The following ARB2A variants were observed in gnomAD, a reference collection of about 807,000 sequenced individuals.
ARB2A encodes cotranscriptional regulator ARB2A.
the ARB2A span, among the ~76,000 whole-genome samples, chr5:93,727,415 G>A: frequency 6.6e-6 from 1 of 151,916 alleles, no homozygotes; most frequent in South Asian, 2.1e-4. Flanking sequence ...CAACTCATCT[G>A]GCATTATGAT....
At chr5:93,834,113 G>A in the ARB2A span, among the ~76,000 whole-genome samples, 1 of 152,186 alleles carries the variant, frequency 6.6e-6, no homozygotes. Context: ...AACCCACTGA[G>A]CATTTCCAAC....
At chr5:93,951,103 T>C in the ARB2A span, among the ~76,000 whole-genome samples, 2 of 152,190 alleles carry the variant, frequency 1.3e-5, no homozygotes, top group Non-Finnish European at 2.9e-5. Context: ...CCTTATCATA[T>C]GCCTGCTTGA....
the ARB2A span, among the ~76,000 whole-genome samples, chr5:93,688,133 C>A: frequency 6.6e-6 from 1 of 152,136 alleles, no homozygotes; most frequent in Non-Finnish European, 1.5e-5. Context: ...GCCACCATAC[C>A]TGGCTAATTT....
the ARB2A span, among the ~76,000 whole-genome samples, chr5:93,744,434 CAAAAAAAAAAAAA>C: frequency 1.0e-3 from 15 of 14,534 alleles, no homozygotes; most frequent in Admixed American, 3.1e-3. Flanking sequence ...GACTCAGTCT[CAAAAAAAAAAAAA>C]AAAAAAAAAA....
At chr5:93,945,109 G>T in the ARB2A span, among the ~76,000 whole-genome samples, 3 of 152,202 alleles carry the variant, frequency 2.0e-5, no homozygotes, top group Admixed American at 2.0e-4. Context: ...GACATGTGTG[G>T]CCAACACTGT....
chr5:93,845,270 T>C, the ARB2A span, among the ~76,000 whole-genome samples: 1 of 152,250 alleles, frequency 6.6e-6, no homozygotes, highest in East Asian at 1.9e-4. Flanking sequence ...CACTGCTTAA[T>C]GTGTCATAAT....
chr5:93,671,116 G>A, the ARB2A span, among the ~76,000 whole-genome samples: 1 of 152,036 alleles, frequency 6.6e-6, no homozygotes, highest in Non-Finnish European at 1.5e-5. Flanking sequence ...CTCAAAACAA[G>A]ATATTTTCCA....
At chr5:93,995,497 G>A in the ARB2A span, among the ~76,000 whole-genome samples, 1 of 152,186 alleles carries the variant, frequency 6.6e-6, no homozygotes, top group Non-Finnish European at 1.5e-5. Context: ...GTCTGCAGCT[G>A]TGGTTGACTG....
chr5:94,061,436 A>G, the ARB2A span, among the ~76,000 whole-genome samples: 4 of 152,236 alleles, frequency 2.6e-5, no homozygotes, highest in Non-Finnish European at 5.9e-5. Flanking sequence ...CTTGTTCAAC[A>G]TAGTACTGAA....
the ARB2A span, among the ~76,000 whole-genome samples, chr5:93,896,093 C>T: frequency 6.6e-6 from 1 of 151,882 alleles, no homozygotes; most frequent in South Asian, 2.1e-4. Flanking sequence ...CAATACTATT[C>T]AATAAGAAAT....
chr5:94,096,727 G>A, the ARB2A span, among the ~76,000 whole-genome samples: 4 of 152,172 alleles, frequency 2.6e-5, no homozygotes, highest in Non-Finnish European at 5.9e-5. Context: ...CCCATCGAGA[G>A]AACAGACCAT....
the ARB2A span, among the ~76,000 whole-genome samples, chr5:94,021,914 CA>C: frequency 6.6e-6 from 1 of 152,076 alleles, no homozygotes; most frequent in African/African-American, 2.4e-5. Context: ...ACTAAAAATA[CA>C]AAAACATTAG....
the ARB2A span, among the ~76,000 whole-genome samples, chr5:94,035,955 T>C: frequency 4.6e-5 from 7 of 152,050 alleles, no homozygotes; most frequent in African/African-American, 1.7e-4. Context: ...GATGTATACC[T>C]ATGTAACAAA....
At chr5:94,103,873 T>G in the ARB2A span, among the ~76,000 whole-genome samples, 3 of 150,078 alleles carry the variant, frequency 2.0e-5, no homozygotes, top group African/African-American at 7.3e-5. Context: ...AATCATATAA[T>G]TATGTGGAAA....
chr5:94,096,223 C>T, the ARB2A span, among the ~76,000 whole-genome samples: 1 of 152,202 alleles, frequency 6.6e-6, no homozygotes, highest in Non-Finnish European at 1.5e-5. Flanking sequence ...AATCTTTTCA[C>T]ATTTTTTACT....
chr5:94,109,306 T>C, the ARB2A span, among the ~76,000 whole-genome samples: 8 of 152,318 alleles, frequency 5.3e-5, no homozygotes, highest in South Asian at 1.7e-3. Flanking sequence ...GAGTGTTTAA[T>C]AGGTATGAAG....
the ARB2A span, chr5:93,958,912 C>T: frequency 6.2e-7 from 1 of 1,607,416 alleles, no homozygotes. Context: ...GTGGATTTGT[C>T]AAAGCATCCT....
chr5:94,076,314 C>T, the ARB2A span, among the ~76,000 whole-genome samples: 1 of 152,144 alleles, frequency 6.6e-6, no homozygotes, highest in African/African-American at 2.4e-5. Context: ...TGGGAAAGCC[C>T]TTTCACTTAG....
At chr5:93,687,150 C>A in the ARB2A span, among the ~76,000 whole-genome samples, 8 of 152,034 alleles carry the variant, frequency 5.3e-5, no homozygotes, top group Non-Finnish European at 1.2e-4. Context: ...ACAAGAAAGA[C>A]CTGGTAATGT....
Sources: gnomAD v4.1 joint callset for allele counts (sites outside exome capture counted in the v4.1 genomes callset) on GRCh38, gnomAD v4.1.1 for gene constraint, MANE v1.5 for transcripts, NCBI Gene and HGNC (gene_info 2026-07-23, HGNC 2026-07-21) for gene names.